ZFHX4: variants seen among roughly 807,000 people sequenced by gnomAD.
ZFHX4 encodes zinc finger homeobox 4.
Under a neutral mutation model 267.6 loss-of-function variants are expected in ZFHX4, and 56 were observed. The observed-to-expected ratio is 0.21, with a 90% CI of 0.17 to 0.26. The LOEUF is 0.26. ZFHX4 is among the 10% of genes least tolerant of loss of function. ZFHX4 has a pLI of 1.00. For missense variants in ZFHX4, 4,332 were observed against 4,420.0 expected (o/e 0.98, Z 0.56); for synonymous variants, 1,778 against 1,665.6 (o/e 1.07, Z -1.64).
intron 4 of ZFHX4, among the ~76,000 whole-genome samples, chr8:76,817,854 T>A (rs1421389442): frequency 6.6e-6 from 1 of 152,214 alleles, no homozygotes; most frequent in East Asian, 1.9e-4. Flanking sequence ...GGAATCAGAA[T>A]CAGAATGAAG....
At position 76,728,284 on chromosome 8, in the gene ZFHX4, G is replaced by A. The variant is rs370333471; in HGVS notation, c.3093+20236G>A. 5.9e-4 allele frequency among the ~76,000 whole-genome samples: 90 copies of A among 152,280 alleles called. 1 individual carries two copies. In the Middle Eastern group the frequency reaches 0.02, roughly 35 times the overall value. On this transcript the variant is annotated intron_variant, in intron 3 of 10. Transcript: ENST00000651372. Reference sequence around the variant, plus strand: ...CACGGTTAAATCATGTTGTGGAGGTGGAGGATAAATGACTTCATATAAAGT... The same window carrying A: ...CACGGTTAAATCATGTTGTGGAGGTAGAGGATAAATGACTTCATATAAAGT...
intron 9 of ZFHX4, 66 bp downstream of exon 9, chr8:76,850,428 C>T (rs1812484259): frequency 7.8e-7 from 1 of 1,284,116 alleles, no homozygotes; most frequent in African/African-American, 1.5e-5. Flanking sequence ...GTGGTGGTGC[C>T]CAAAGATTAT....
intron 3 of ZFHX4, among the ~76,000 whole-genome samples, chr8:76,736,166 C>T (rs1326526761): frequency 1.3e-5 from 2 of 150,436 alleles, no homozygotes; most frequent in Non-Finnish European, 3.0e-5. Flanking sequence ...AAAAAACTGA[C>T]TTTAACCTAA....
rs529601024 is a variant in ZFHX4, at chr8:76,720,491, G to C, written c.3093+12443G>C. On this transcript the variant is annotated intron_variant, in intron 3 of 10. Transcript: ENST00000651372. ...TATGAACATTTATATACAAGGTTTT[G>C]TGTGGACATATGCTCTCTTTTCTCT... Among the ~76,000 whole-genome samples, 11 of 152,230 alleles carry C rather than the reference G, an allele frequency of 7.2e-5. No homozygotes were observed. The South Asian group carries it at 2.1e-3, about 29-fold the overall frequency.
chr8:76,862,836 G>C (rs898848767), intron 10 of ZFHX4, among the ~76,000 whole-genome samples: 2 of 152,102 alleles, frequency 1.3e-5, no homozygotes, highest in Admixed American at 6.6e-5. Context: ...CCTGTTTTCT[G>C]AGTAAAATGT....
intron 3 of ZFHX4, among the ~76,000 whole-genome samples, chr8:76,775,655 G>A (rs902080019): frequency 2.0e-5 from 3 of 152,096 alleles, no homozygotes; most frequent in Non-Finnish European, 4.4e-5. Flanking sequence ...TCTTTTAACC[G>A]GCTCACACCT....
intron 6 of ZFHX4, among the ~76,000 whole-genome samples, chr8:76,844,635 A>G (rs936078330): frequency 4.6e-5 from 7 of 152,126 alleles, no homozygotes; most frequent in African/African-American, 1.7e-4. Flanking sequence ...TAATTGTACC[A>G]TCCAGACAAG....
At chr8:76,715,478 T>C (rs1808544172) in intron 3 of ZFHX4, among the ~76,000 whole-genome samples, 1 of 90,096 alleles carries the variant, frequency 1.1e-5, no homozygotes, top group Admixed American at 1.5e-4. Flanking sequence ...CAAGACTCCA[T>C]CTTAAAAAAA....
chr8:76,864,198 G>A lies in ZFHX4; in HGVS notation c.10484G>A (p.Cys3495Tyr). 1 of 1,613,906 alleles carries A rather than the reference G, an allele frequency of 6.2e-7. No homozygotes were observed. Among genetic ancestry groups the A allele is most frequent in the Non-Finnish European group, 8.5e-7 (1 of 1,179,850 alleles). ...GTTAGATTATTACCTCACTCAGTCTGCTCCCCTAATCCTAACACCACATCT... is the reference window on the plus strand; with the variant it reads ...GTTAGATTATTACCTCACTCAGTCTACTCCCCTAATCCTAACACCACATCT... ...EHVRLLPHSV[C>Y]SPNPNTTSTS... The change falls in exon 11 of 11, where the codon TGC (cysteine) becomes TAC (tyrosine). Residue 3495 changes from cysteine (C) to tyrosine (Y), a missense_variant. Coordinates refer to ENST00000651372, the MANE Select transcript of ZFHX4 (RefSeq NM_024721.5).
At chr8:76,790,425 A>G (rs7845081) in intron 4 of ZFHX4, among the ~76,000 whole-genome samples, 2,611 of 152,262 alleles carry the variant, frequency 0.017, 86 homozygotes, top group African/African-American at 0.058. Flanking sequence ...ATAAAGCATC[A>G]CAATAATGAA....
rs773883755 is a variant in ZFHX4, at chr8:76,854,501, C to T, written c.7580C>T (p.Pro2527Leu). Reference sequence around the variant, plus strand: ...GCTCAAAACCAATTCCTTCACTCTCCGTTCTTGGAAAGGCCCATGGACATG... The same window carrying T: ...GCTCAAAACCAATTCCTTCACTCTCTGTTCTTGGAAAGGCCCATGGACATG... ...LAAQNQFLHS[P>L]FLERPMDMPY... Residue 2527 changes from proline to leucine, a missense_variant, in exon 10 of 11, where the codon CCG (proline) becomes CTG (leucine). Pro to Leu is a moderately conservative substitution (Grantham distance 98, BLOSUM62 -3). Transcript: ENST00000651372. 2.5e-6 allele frequency: 4 copies of T among 1,613,724 alleles called. No individual in the cohort carries two copies. Among genetic ancestry groups the T allele is most frequent in the East Asian group, 4.5e-5 (2 of 44,874 alleles).
intron 5 of ZFHX4, among the ~76,000 whole-genome samples, chr8:76,840,826 A>T (rs572705141): frequency 6.6e-6 from 1 of 152,276 alleles, no homozygotes; most frequent in South Asian, 2.1e-4. Context: ...GACACAGCCC[A>T]ATCCAGTTGA....
chr8:76,770,941 C>T (rs954081980), intron 3 of ZFHX4, among the ~76,000 whole-genome samples: 1 of 152,088 alleles, frequency 6.6e-6, no homozygotes, highest in Non-Finnish European at 1.5e-5. Context: ...CATCATCATG[C>T]AGGGCCCTTA....
At chr8:76,840,922 G>A (rs1374362108) in intron 5 of ZFHX4, among the ~76,000 whole-genome samples, 2 of 152,214 alleles carry the variant, frequency 1.3e-5, no homozygotes, top group African/African-American at 2.4e-5. Flanking sequence ...GAGGGAGCCT[G>A]TGTTTGATCA....
In ZFHX4 at chr8:76,854,839, C is replaced by T. The variant is rs754039043; in HGVS notation, c.7918C>T (p.Arg2640Cys). Residue 2640 changes from arginine to cysteine, a missense_variant, in exon 10 of 11, where the codon CGC becomes TGC. Around this residue, in one of 7 missense-constraint regions of ZFHX4, gnomAD observed 1,648 missense variants for 1,625.0 expected, o/e 1.01. Transcript: ENST00000651372. Reference sequence around the variant, plus strand: ...CAGAAAAATGCTTGATCATATTGCCCGCGAAGTCGGGCTGAAAAAAAGGGT... The same window carrying T: ...CAGAAAAATGCTTGATCATATTGCCTGCGAAGTCGGGCTGAAAAAAAGGGT... ...PTRKMLDHIA[R>C]EVGLKKRVVQ... The T allele has an allele frequency of 1.9e-6, 3 of 1,609,560 alleles. No individual in the cohort carries two copies. Among genetic ancestry groups the T allele is most frequent in the East Asian group, 2.2e-5 (1 of 44,784 alleles).
At position 76,853,139 on chromosome 8, in the gene ZFHX4, T is replaced by G; in HGVS notation, c.6218T>G (p.Leu2073Arg). 1 of 1,385,914 alleles carries G rather than the reference T, an allele frequency of 7.2e-7. No homozygotes were observed. The highest frequency in any genetic ancestry group is 1.2e-5 in the South Asian group (1 of 81,826). The allele number at this position is 1,385,914 out of a possible 1,614,324, so 85.9% of individuals were successfully genotyped here. ...CCACAGGTCCAACTGCCGGTTTCTC[T>G]GGACCTGCCGCTCTTTCCTTCCATT... ...APPQVQLPVS[L>R]DLPLFPSIMM... The change falls in exon 10 of 11, where the codon CTG (leucine) becomes CGG (arginine). Residue 2073 changes from leucine to arginine, a missense_variant. Leu to Arg is a moderately radical substitution (Grantham distance 102). This residue lies in a region of ZFHX4 where 1,371 missense variants were observed against 1,423.1 expected (regional missense o/e 0.96). Transcript: ENST00000651372.
At chr8:76,800,963 A>G (rs1016266162) in intron 4 of ZFHX4, among the ~76,000 whole-genome samples, 11 of 152,312 alleles carry the variant, frequency 7.2e-5, no homozygotes, top group African/African-American at 2.6e-4. Flanking sequence ...CTATGAGATT[A>G]AAGCTCAGAA....
At chr8:76,717,844 C>G (rs1808618974) in intron 3 of ZFHX4, among the ~76,000 whole-genome samples, 1 of 152,148 alleles carries the variant, frequency 6.6e-6, no homozygotes, top group South Asian at 2.1e-4. Context: ...TGACCCGCCC[C>G]CCTCAGCCTC....
At position 76,853,962 on chromosome 8, in the gene ZFHX4, C is replaced by G. The variant is rs1352172920; in HGVS notation, c.7041C>G (p.Ser2347Arg). The G allele has an allele frequency of 6.2e-7, 1 of 1,613,622 alleles. No homozygotes were observed. Among genetic ancestry groups the G allele is most frequent in the Non-Finnish European group, 8.5e-7 (1 of 1,179,856 alleles). ...AAGATGATGATGCCCAAGATGAAAG[C>G]CAAACAGAAGACTCCATGGATGCCA... Reference protein sequence around the residue: ...KDEDDDAQDESQTEDSMDATD... With the variant: ...KDEDDDAQDERQTEDSMDATD... The change falls in exon 10 of 11, where the codon AGC becomes AGG. Residue 2347 changes from serine (S) to arginine (R), a missense_variant. Around this residue, in one of 7 missense-constraint regions of ZFHX4, gnomAD observed 1,648 missense variants for 1,625.0 expected, o/e 1.01. Transcript: ENST00000651372.
Sources: gnomAD v4.1 joint callset for allele counts (sites outside exome capture counted in the v4.1 genomes callset) on GRCh38, gnomAD v4.1.1 for gene constraint, gnomAD v4.1.1 regional missense constraint, MANE v1.5 for transcripts, NCBI Gene and HGNC (gene_info 2026-07-23, HGNC 2026-07-21) for gene names.